Variants in PLEK observed in about 807,000 individuals in gnomAD.
PLEK encodes the protein platelet 47 kDa protein.
Under a neutral mutation model 43.9 loss-of-function variants are expected in PLEK, and 25 were observed. The observed-to-expected ratio is 0.57, with a 90% CI of 0.41 to 0.79. The LOEUF (loss-of-function observed/expected upper bound fraction) is 0.79. Ranked by LOEUF, PLEK falls within the 30% of genes least tolerant of loss-of-function variation. PLEK has a pLI of 0.00. For synonymous variants in PLEK, 152 were observed against 144.4 expected (o/e 1.05, Z -0.38); for missense variants, 396 against 413.3 (o/e 0.96, Z 0.36).
rs1265169630 is a variant in PLEK at position 68,394,122 on chromosome 2, G to A, written c.862G>A (p.Gly288Arg). The part of the protein sequence containing the change: ...YDPAGAEDPL[G>R]AIHLRGCVVT... ...TCTTCTTTAGGCAGAAGATCCCCTG[G>A]GAGCAATTCACTTGAGAGGCTGTGT... The change falls in exon 8 of 9, where the codon GGA becomes AGA. Residue 288 changes from glycine (G) to arginine (R), a missense_variant. By Grantham distance (125) the Gly-to-Arg change is moderately radical. Transcript: ENST00000234313. The A allele has an allele frequency of 1.9e-6, 3 of 1,608,446 alleles. No homozygotes were observed. The highest frequency in any genetic ancestry group is 2.2e-5 in the East Asian group (1 of 44,854).
intron 1 of PLEK, among the ~76,000 whole-genome samples, chr2:68,369,745 A>T (rs1354998424): frequency 6.6e-6 from 1 of 152,180 alleles, no homozygotes; most frequent in Admixed American, 6.5e-5. Flanking sequence ...TGCTTGGAAA[A>T]ATTAAATAAG....
intron 7 of PLEK, 93 bp downstream of exon 7, chr2:68,393,338 T>A (rs1673897731): frequency 1.2e-6 from 1 of 838,382 alleles, no homozygotes; most frequent in Non-Finnish European, 2.0e-6. Context: ...TCTGTTGATA[T>A]CCCCTTTTTC....
chr2:68,395,809 G>T lies in PLEK; in HGVS notation c.1046G>T (p.Gly349Val). ...IRAIQMASRT[G>V]K is the part of the protein sequence containing the mutation. ...GCCATCCAGATGGCCTCCCGAACTG[G>T]GAAGTAAAGAGACTCCTGCATTCCT... Residue 349 changes from glycine (G) to valine (V), a missense_variant, in exon 9 of 9, where the codon GGG (glycine) becomes GTG (valine). Gly to Val is a moderately radical substitution (Grantham distance 109). Transcript: ENST00000234313. The T allele has an allele frequency of 6.2e-7, 1 of 1,613,502 alleles. No individual in the cohort carries two copies. The highest frequency in any genetic ancestry group is 8.5e-7 in the Non-Finnish European group (1 of 1,179,502).
rs1203509497 is a variant in PLEK at position 68,396,866 on chromosome 2, A to T, written c.*1050A>T. ...TTAATACAACAACTGCACTGTAAGGACTCAGAGCCACACAGAACTTCTGAG... is the reference window on the plus strand; with the variant it reads ...TTAATACAACAACTGCACTGTAAGGTCTCAGAGCCACACAGAACTTCTGAG... On this transcript the variant is annotated 3_prime_UTR_variant, in exon 9 of 9. Transcript: ENST00000234313. 6.6e-6 allele frequency: 1 copy of T among 152,150 alleles called. No homozygotes were observed. The highest frequency in any genetic ancestry group is 1.5e-5 in the Non-Finnish European group (1 of 68,028). The allele number at this position is 152,150 out of a possible 1,614,324, so 9.4% of individuals were successfully genotyped here.
chr2:68,388,732 A>AG (rs3214733), intron 6 of PLEK, among the ~76,000 whole-genome samples: 3 of 120,842 alleles, frequency 2.5e-5, no homozygotes, highest in Non-Finnish European at 5.5e-5. Flanking sequence ...TCAATATCAT[A>AG]GGAAAAAAAA....
chr2:68,393,998 G>A (rs973480759), intron 7 of PLEK, 109 bp from the exon 8 acceptor site: 67 of 728,458 alleles, frequency 9.2e-5, no homozygotes, highest in Non-Finnish European at 1.3e-4. Context: ...TACTTATTTT[G>A]GGGGGCCCTG....
chr2:68,376,262 A>G (rs1253293275), intron 1 of PLEK, among the ~76,000 whole-genome samples: 1 of 152,202 alleles, frequency 6.6e-6, no homozygotes, highest in African/African-American at 2.4e-5. Context: ...ACTGAACTCA[A>G]TGGGCAGGTT....
chr2:68,390,548 C>A (rs1032132810), intron 6 of PLEK, among the ~76,000 whole-genome samples: 2 of 152,122 alleles, frequency 1.3e-5, no homozygotes, highest in African/African-American at 2.4e-5. Context: ...GGAGCAAAAA[C>A]CTCTTCGATT....
At chr2:68,388,904 G>A (rs939598354) in intron 6 of PLEK, among the ~76,000 whole-genome samples, 46 of 152,196 alleles carry the variant, frequency 3.0e-4, no homozygotes, top group African/African-American at 1.1e-3. Flanking sequence ...AAGAGGAACA[G>A]AGTACACCAC....
chr2:68,385,839 G>A (rs1323425203), intron 4 of PLEK, among the ~76,000 whole-genome samples: 1 of 152,028 alleles, frequency 6.6e-6, no homozygotes, highest in East Asian at 1.9e-4. Flanking sequence ...CAGTAGTCTC[G>A]CAACTGACTT....
At chr2:68,378,858 G>T (rs1465865269) in intron 1 of PLEK, among the ~76,000 whole-genome samples, 1 of 152,148 alleles carries the variant, frequency 6.6e-6, no homozygotes, top group Non-Finnish European at 1.5e-5. Flanking sequence ...AGCTGGGCGC[G>T]ATGGCTCACA....
Position 68,393,258 on chromosome 2 carries a change from G to A in PLEK, c.846+13G>A, listed in dbSNP as rs758764171. 1 of 1,537,712 alleles carries A rather than the reference G, an allele frequency of 6.5e-7. No homozygotes were observed. The highest frequency in any genetic ancestry group is 9.0e-7 in the Non-Finnish European group (1 of 1,110,770). On this transcript the variant is annotated intron_variant, in intron 7 of 8. Transcript: ENST00000234313. The stretch of plus-strand genomic sequence containing the variant: ...TGACCCTGCTGGGGTAAGGTCCTGT[G>A]GTTCATAAATCCATTCAAATAAATA...
In PLEK at chr2:68,367,253, C is replaced by CTT. The variant is rs11338240; in HGVS notation, c.42+1871_42+1872dup. On this transcript the variant is annotated intron_variant, in intron 1 of 8. Transcript: ENST00000234313. ...CTCTGATATAATGCATTAAGATTCT[C>CTT]TTTTTTTTTTTTATTCTTCTAAAAC... Among the ~76,000 whole-genome samples, 72 of 149,714 alleles carry CTT rather than the reference C, an allele frequency of 4.8e-4. 1 individual carries two copies. Among genetic ancestry groups the CTT allele is most frequent in the Middle Eastern group, 6.8e-3 (2 of 292 alleles).
chr2:68,375,713 T>A (rs1673489038), intron 1 of PLEK, among the ~76,000 whole-genome samples: 1 of 152,186 alleles, frequency 6.6e-6, no homozygotes, highest in Non-Finnish European at 1.5e-5. Flanking sequence ...CCTTTGTATT[T>A]TGAGATAAGC....
intron 5 of PLEK, chr2:68,387,868 T>C (rs1673779322): frequency 6.6e-6 from 1 of 152,000 alleles, no homozygotes; most frequent in Non-Finnish European, 1.5e-5. Context: ...CTCCTCTTCC[T>C]CGGTCTGATT....
chr2:68,372,395 C>G (rs1329558131), intron 1 of PLEK, among the ~76,000 whole-genome samples: 1 of 152,036 alleles, frequency 6.6e-6, no homozygotes, highest in Non-Finnish European at 1.5e-5. Context: ...AGGCTGGTCT[C>G]AAACTCCTGG....
At chr2:68,387,715 A>G (rs1673775186) in intron 5 of PLEK, among the ~76,000 whole-genome samples, 1 of 151,984 alleles carries the variant, frequency 6.6e-6, no homozygotes, top group Non-Finnish European at 1.5e-5. Context: ...CATTCTTCTT[A>G]TAAACATGAA....
chr2:68,386,733 G>C (rs1172284508), intron 5 of PLEK, 47 bp downstream of exon 5: 2 of 1,436,028 alleles, frequency 1.4e-6, no homozygotes, highest in South Asian at 1.2e-5. Flanking sequence ...AGGCTGCCCT[G>C]AGCAGATTCT....
chr2:68,392,994 A>G (rs1673889940), intron 6 of PLEK, among the ~76,000 whole-genome samples, 168 bp from the exon 7 acceptor site: 1 of 152,204 alleles, frequency 6.6e-6, no homozygotes, highest in African/African-American at 2.4e-5. Context: ...TGGCTGTAGC[A>G]CTATCTCCCT....
Sources: allele counts gnomAD v4.1 joint callset (sites outside exome capture counted in the v4.1 genomes callset), GRCh38; gene constraint gnomAD v4.1.1; transcripts MANE v1.5; gene names NCBI Gene and HGNC (gene_info 2026-07-23, HGNC 2026-07-21).